The following PDE4D variants were observed in gnomAD, a reference collection of about 807,000 sequenced individuals.
PDE4D encodes phosphodiesterase 4D, also known as 3',5'-cyclic-AMP phosphodiesterase 4D.
Under a neutral mutation model 87.4 loss-of-function variants are expected in PDE4D, and 24 were observed. That is an observed-to-expected ratio of 0.27 (90% CI 0.20 to 0.39). PDE4D has a LOEUF of 0.39. Ranked by LOEUF, PDE4D falls within the 10% of genes least tolerant of loss-of-function variation. The probability of loss-of-function intolerance (pLI) is 1.00; values close to 1 mark genes in which losing one functional copy is unlikely to be tolerated. For synonymous variants in PDE4D, 384 were observed against 383.2 expected, an observed-to-expected ratio of 1.00 and a Z score of -0.02; for missense variants, 714 against 1,041.0, an observed-to-expected ratio of 0.69 and a Z score of 4.32.
chr5:59,022,447 C>A (rs954985610), intron 6 of PDE4D, among the ~76,000 whole-genome samples: 2 of 152,130 alleles, frequency 1.3e-5, no homozygotes, highest in African/African-American at 4.8e-5. Flanking sequence ...ACTTTGCCCC[C>A]ACTAAGAAAA....
At chr5:59,003,558 A>C (rs1354502122) in intron 6 of PDE4D, among the ~76,000 whole-genome samples, 1 of 152,156 alleles carries the variant, frequency 6.6e-6, no homozygotes, top group Non-Finnish European at 1.5e-5. Context: ...TTAAGCTCCT[A>C]CTCTATGTCA....
At chr5:59,042,198 G>C (rs1169207855) in intron 5 of PDE4D, among the ~76,000 whole-genome samples, 1 of 152,150 alleles carries the variant, frequency 6.6e-6, no homozygotes, top group African/African-American at 2.4e-5. Context: ...TGAGAATATT[G>C]CTTTTTTCCA....
chr5:59,787,437 A>C (rs1765298885), intron 1 of PDE4D, among the ~76,000 whole-genome samples: 1 of 152,142 alleles, frequency 6.6e-6, no homozygotes. Context: ...TCACCTCTCA[A>C]ACAGAAGGAA....
intron 1 of PDE4D, among the ~76,000 whole-genome samples, chr5:59,428,102 C>T (rs993138294): frequency 2.0e-5 from 3 of 151,944 alleles, no homozygotes; most frequent in African/African-American, 7.3e-5. Context: ...AAAATTGAGA[C>T]CAATTAAATG....
chr5:60,424,210 C>T (rs1743424805), intron 1 of PDE4D, among the ~76,000 whole-genome samples: 1 of 152,178 alleles, frequency 6.6e-6, no homozygotes, highest in Non-Finnish European at 1.5e-5. Context: ...GATACCAAAG[C>T]CTGGCAGAGA....
At chr5:59,023,661 A>C (rs1238023403) in intron 6 of PDE4D, among the ~76,000 whole-genome samples, 1 of 151,976 alleles carries the variant, frequency 6.6e-6, no homozygotes, top group Non-Finnish European at 1.5e-5. Context: ...GTCTCCAAAA[A>C]CAAAACAAAA....
At chr5:59,004,136 TA>T (rs397837550) in intron 6 of PDE4D, among the ~76,000 whole-genome samples, 21 of 150,238 alleles carry the variant, frequency 1.4e-4, no homozygotes, top group Admixed American at 2.0e-4. Context: ...TACATAGATT[TA>T]AAAAAAAAAT....
chr5:60,402,326 T>G (rs1741163595), intron 1 of PDE4D, among the ~76,000 whole-genome samples: 1 of 152,226 alleles, frequency 6.6e-6, no homozygotes, highest in Non-Finnish European at 1.5e-5. Context: ...TCTACTTCTT[T>G]CCTCTCTGAG....
chr5:60,327,773 T>C (rs1756933104), intron 1 of PDE4D, among the ~76,000 whole-genome samples: 1 of 152,198 alleles, frequency 6.6e-6, no homozygotes, highest in Non-Finnish European at 1.5e-5. Flanking sequence ...TGAAATATTA[T>C]ACAGCAATGA....
At chr5:60,436,299 G>T (rs927625316) in intron 1 of PDE4D, among the ~76,000 whole-genome samples, 1 of 151,934 alleles carries the variant, frequency 6.6e-6, no homozygotes, top group Non-Finnish European at 1.5e-5. Context: ...GAAACCAATA[G>T]CCCAGAAACA....
intron 10 of PDE4D, 94 bp downstream of exon 10, chr5:58,989,661 A>G (rs1747401007): frequency 1.4e-6 from 1 of 698,654 alleles, no homozygotes; most frequent in Non-Finnish European, 2.3e-6. Context: ...AATGAATCCA[A>G]TTATCTTCTC....
intron 1 of PDE4D, among the ~76,000 whole-genome samples, chr5:59,504,154 A>C (rs1430094067): frequency 1.3e-5 from 2 of 152,192 alleles, no homozygotes; most frequent in African/African-American, 4.8e-5. Context: ...TACCAGAATT[A>C]ACACTTGGCC....
At chr5:60,142,134 C>T (rs1200678719) in intron 2 of PDE4D, among the ~76,000 whole-genome samples, 1 of 148,852 alleles carries the variant, frequency 6.7e-6, no homozygotes, top group Non-Finnish European at 1.5e-5. Context: ...ATTTACCAAT[C>T]ACAGGATCCT....
At chr5:59,552,591 T>G (rs373811809) in intron 1 of PDE4D, among the ~76,000 whole-genome samples, 13 of 152,194 alleles carry the variant, frequency 8.5e-5, no homozygotes, top group East Asian at 3.8e-4. Context: ...ATAAACACTA[T>G]ATTCTTCTGT....
chr5:59,866,251 A>G (rs1746242106), intron 1 of PDE4D, among the ~76,000 whole-genome samples: 1 of 152,292 alleles, frequency 6.6e-6, no homozygotes, highest in South Asian at 2.1e-4. Context: ...AAATCTTATT[A>G]TCTGGATTCT....
At chr5:60,248,026 A>C (rs1747995988) in intron 1 of PDE4D, among the ~76,000 whole-genome samples, 1 of 152,056 alleles carries the variant, frequency 6.6e-6, no homozygotes, top group South Asian at 2.1e-4. Context: ...GCTGTTCTTG[A>C]TCCACCCAAA....
At chr5:59,999,381 T>C (rs1180491143) in intron 2 of PDE4D, among the ~76,000 whole-genome samples, 1 of 152,026 alleles carries the variant, frequency 6.6e-6, no homozygotes, top group Non-Finnish European at 1.5e-5. Context: ...GGTAACTCAG[T>C]GGCTTATTGC....
At chr5:60,120,841 G>A (rs755273041) in intron 2 of PDE4D, among the ~76,000 whole-genome samples, 1 of 152,096 alleles carries the variant, frequency 6.6e-6, no homozygotes, top group African/African-American at 2.4e-5. Flanking sequence ...TAGATTGAAG[G>A]ATGCAAAGTA....
chr5:59,125,246 T>C (rs2153448160), intron 5 of PDE4D: 1 of 982,066 alleles, frequency 1.0e-6, no homozygotes, highest in East Asian at 1.1e-4. Flanking sequence ...CCTTGCTTCT[T>C]CCCTATGAAG....
Sources: allele counts gnomAD v4.1 joint callset (sites outside exome capture counted in the v4.1 genomes callset), GRCh38; gene constraint gnomAD v4.1.1; transcripts MANE v1.5; gene names NCBI Gene and HGNC (gene_info 2026-07-23, HGNC 2026-07-21).